The following MGST3 variants were observed in gnomAD, a reference collection of about 807,000 sequenced individuals.
MGST3 encodes microsomal glutathione S-transferase 3.
Under a neutral mutation model 15.8 loss-of-function variants are expected in MGST3, and 13 were observed. That is an observed-to-expected ratio of 0.82 (90% CI 0.54 to 1.31). The LOEUF is 1.31. Among genes scored for constraint, MGST3 ranks in the 50% most tolerant of loss-of-function variants. MGST3 has a pLI of 0.00. For missense variants in MGST3, 155 were observed against 192.4 expected (o/e 0.81, Z 1.15); for synonymous variants, 49 against 68.1 (o/e 0.72, Z 1.38).
chr1:165,634,116 G>C (rs993549008), intron 1 of MGST3, among the ~76,000 whole-genome samples: 6 of 144,910 alleles, frequency 4.1e-5, no homozygotes, highest in Non-Finnish European at 9.0e-5. Flanking sequence ...CTCTCTTCTT[G>C]TTAATGTATT....
At chr1:165,654,200 T>A in intron 4 of MGST3, 79 bp from the exon 5 acceptor site, 2 of 1,346,728 alleles carry the variant, frequency 1.5e-6, no homozygotes, top group African/African-American at 1.4e-5. Context: ...TGCTAACATA[T>A]TGTGTAATCA....
intron 1 of MGST3, among the ~76,000 whole-genome samples, chr1:165,639,226 G>T (rs1251570250): frequency 6.6e-6 from 1 of 152,124 alleles, no homozygotes; most frequent in African/African-American, 2.4e-5. Context: ...TTTCCCCTCG[G>T]TGCTTCCCGT....
Position 165,655,786 on chromosome 1 carries a change from G to T in MGST3, c.*282G>T, listed in dbSNP as rs4147611. 0.24 allele frequency: 108,957 copies of T among 446,622 alleles called. 19,868 individuals carry two copies. The highest frequency in any genetic ancestry group is 0.83 in the East Asian group (18,587 of 22,444). 27.7% of individuals were successfully genotyped at this position (446,622 alleles called of 1,614,324 possible). On this transcript the variant is annotated 3_prime_UTR_variant, in exon 6 of 6. Transcript: ENST00000367889. ...GAAAAAGTCTGATTGTGGTGATGTA[G>T]GTATAGTCATGCCACAGTGATGAAA...
intron 1 of MGST3, chr1:165,637,039 A>G (rs2101714721): frequency 6.6e-6 from 1 of 152,280 alleles, no homozygotes. Context: ...TTATGTGACT[A>G]TCCTTGTGTG....
intron 1 of MGST3, among the ~76,000 whole-genome samples, chr1:165,639,844 C>G (rs375213743): frequency 6.6e-6 from 1 of 152,014 alleles, no homozygotes; most frequent in Non-Finnish European, 1.5e-5. Flanking sequence ...GGGACCAGGT[C>G]TTATAGTTAG....
At chr1:165,651,492 G>A (rs1648554213) in intron 3 of MGST3, 1 of 337,392 alleles carries the variant, frequency 3.0e-6, no homozygotes, top group Non-Finnish European at 5.7e-6. Flanking sequence ...CATGTTCCAA[G>A]TGACCTCTAA....
intron 1 of MGST3, among the ~76,000 whole-genome samples, chr1:165,639,174 G>A (rs970490046): frequency 6.6e-6 from 1 of 152,186 alleles, no homozygotes; most frequent in Non-Finnish European, 1.5e-5. Flanking sequence ...AGCCTGTGGT[G>A]CAGCAGGATT....
intron 1 of MGST3, chr1:165,637,093 G>C (rs1395469993): frequency 2.6e-5 from 4 of 152,166 alleles, no homozygotes; most frequent in Non-Finnish European, 5.9e-5. Flanking sequence ...AAGGAAGATT[G>C]GAATAGCACA....
chr1:165,647,483 GC>G (rs1372215744), intron 1 of MGST3: 1 of 152,118 alleles, frequency 6.6e-6, no homozygotes, highest in African/African-American at 2.4e-5. Flanking sequence ...TCTTAGCTCT[GC>G]CCTCATTTAC....
Position 165,652,169 on chromosome 1 carries a change from A to T in MGST3, c.249+134A>T, listed in dbSNP as rs1571156560. On this transcript the variant is annotated intron_variant, in intron 4 of 5. Coordinates refer to ENST00000367889, the MANE Select transcript of MGST3 (RefSeq NM_004528.4). ...CTGCATATTTAAAAGGATTTTATTC[A>T]ATTATTTCTTACAGAGTTCTTTAAA... is the stretch of plus-strand genomic sequence containing the variant. The T allele has an allele frequency of 2.0e-5, 15 of 746,554 alleles. No homozygotes were observed. The East Asian group carries it at 3.6e-4, about 18-fold the overall frequency. The allele number at this position is 746,554 out of a possible 1,614,324, so 46.2% of individuals were successfully genotyped here. A position where few individuals can be genotyped will look rare whatever the true frequency, so the allele number is the denominator to read the frequency against.
chr1:165,643,741 G>T (rs951935686), intron 1 of MGST3, among the ~76,000 whole-genome samples: 1 of 151,714 alleles, frequency 6.6e-6, no homozygotes, highest in East Asian at 1.9e-4. Flanking sequence ...TGTGGCGGGC[G>T]CCTGTGATCC....
intron 1 of MGST3, chr1:165,632,125 T>C: frequency 1.1e-6 from 1 of 924,690 alleles, no homozygotes; most frequent in Non-Finnish European, 1.7e-6. Context: ...ACAAGCTACA[T>C]AATAGCGTCG....
intron 4 of MGST3, 169 bp from the exon 5 acceptor site, chr1:165,654,110 T>G: frequency 1.5e-6 from 1 of 671,774 alleles, no homozygotes; most frequent in South Asian, 1.6e-5. Flanking sequence ...ACAGATATTT[T>G]ATTTTCCCGC....
chr1:165,652,058 A>G lies in MGST3; in HGVS notation c.249+23A>G, dbSNP rs1445803725. The G allele has an allele frequency of 1.9e-6, 3 of 1,548,592 alleles. 1 individual carries two copies. On this transcript the variant is annotated intron_variant, in intron 4 of 5. Coordinates refer to ENST00000367889, the MANE Select transcript of MGST3 (RefSeq NM_004528.4). ...CCGGTAAGTTTTCCAGGAGGTGTTC[A>G]TCTATTTGGATAGTAGTTCACTGAG...
intron 1 of MGST3, among the ~76,000 whole-genome samples, chr1:165,634,770 T>TCTCCTTCCCTCTCCCTCC: frequency 4.0e-5 from 1 of 24,746 alleles, no homozygotes; most frequent in Non-Finnish European, 6.6e-5. Context: ...CCTCCCTCTC[T>TCTCCTTCCCTCTCCCTCC]CTCCCTCCCT....
chr1:165,638,990 A>G (rs1484018910), intron 1 of MGST3, among the ~76,000 whole-genome samples: 1 of 147,662 alleles, frequency 6.8e-6, no homozygotes, highest in Non-Finnish European at 1.5e-5. Context: ...TAACCAGGAC[A>G]ATCAGTCAAG....
intron 1 of MGST3, among the ~76,000 whole-genome samples, chr1:165,645,436 AC>A (rs1557993710): frequency 6.6e-6 from 1 of 151,850 alleles, no homozygotes; most frequent in Non-Finnish European, 1.5e-5. Context: ...CTTCTGGAAT[AC>A]CTCAGGGAGG....
intron 1 of MGST3, among the ~76,000 whole-genome samples, chr1:165,641,342 G>A (rs1648260659): frequency 6.6e-6 from 1 of 152,184 alleles, no homozygotes; most frequent in Non-Finnish European, 1.5e-5. Context: ...TAGACAGCAA[G>A]TGCTTTATAT....
chr1:165,650,743 G>A (rs1236864316), intron 2 of MGST3: 1 of 463,712 alleles, frequency 2.2e-6, no homozygotes, highest in African/African-American at 2.0e-5. Flanking sequence ...TCAATGAAAA[G>A]CACGGAGTTT....
Sources: allele counts gnomAD v4.1 joint callset (sites outside exome capture counted in the v4.1 genomes callset), GRCh38; gene constraint gnomAD v4.1.1; transcripts MANE v1.5; gene names NCBI Gene and HGNC (gene_info 2026-07-23, HGNC 2026-07-21).